ENPP5: variants seen among roughly 807,000 people sequenced by gnomAD.
ENPP5 encodes the protein ectonucleotide pyrophosphatase/phosphodiesterase family member 5.
Under a neutral mutation model 33.7 loss-of-function variants are expected in ENPP5, and 27 were observed. The ratio of observed to expected loss-of-function variants is 0.80; its 90% CI spans 0.59 to 1.11. The LOEUF (loss-of-function observed/expected upper bound fraction) is 1.11. Ranked by LOEUF, ENPP5 falls within the 50% of genes least tolerant of loss-of-function variation. ENPP5 has a pLI of 0.00. For missense variants in ENPP5, 552 were observed against 579.2 expected (o/e 0.95, Z 0.48); for synonymous variants, 199 against 200.5 (o/e 0.99, Z 0.06).
Position 46,167,609 on chromosome 6 carries a change from G to A in ENPP5, c.654C>T (p.Leu218=), listed in dbSNP as rs772452790. The change falls in exon 3 of 5, where the codon CTC becomes CTT. Residue 218 remains leucine (L), a synonymous_variant. Coordinates refer to ENST00000371383, the MANE Select transcript of ENPP5 (RefSeq NM_001290072.2). ...ACTTTGCCTTTTTCAGCATTTGTATGAGATATCCTAACTTCTTGTCAATAT... is the reference window on the plus strand; with the variant it reads ...ACTTTGCCTTTTTCAGCATTTGTATAAGATATCCTAACTTCTTGTCAATAT... ...ISDIDKKLGY[L]IQMLKKAKLW... The A allele has an allele frequency of 6.2e-7, 1 of 1,614,202 alleles. No individual in the cohort carries two copies. Among genetic ancestry groups the A allele is most frequent in the Admixed American group, 1.7e-5 (1 of 60,032 alleles).
rs1764324394 is a variant in ENPP5, at chr6:46,159,608, T to C, written c.*1718A>G. ...TTTGATTCTATTCTATTAAGAGGTTTTATAATGAAATGGGAATTATGTGCC... is the reference window on the plus strand; with the variant it reads ...TTTGATTCTATTCTATTAAGAGGTTCTATAATGAAATGGGAATTATGTGCC... On this transcript the variant is annotated 3_prime_UTR_variant, in exon 5 of 5. Transcript: ENST00000371383. 6.6e-6 allele frequency: 1 copy of C among 152,220 alleles called. No homozygotes were observed. Among genetic ancestry groups the C allele is most frequent in the Non-Finnish European group, 1.5e-5 (1 of 68,026 alleles). 9.4% of individuals were successfully genotyped at this position (152,220 alleles called of 1,614,324 possible).
Position 46,161,531 on chromosome 6 carries a change from G to C in ENPP5, c.1229C>G (p.Thr410Arg). 6.2e-7 allele frequency: 1 copy of C among 1,613,920 alleles called. No individual in the cohort carries two copies. Among genetic ancestry groups the C allele is most frequent in the Non-Finnish European group, 8.5e-7 (1 of 1,179,816 alleles). The change falls in exon 5 of 5, where the codon ACA (threonine) becomes AGA (arginine). Residue 410 changes from threonine (T) to arginine (R), a missense_variant. Thr to Arg is a moderately conservative substitution (Grantham distance 71). Transcript: ENST00000371383. ...NSAMPRVVPYTQSTILLPGSV... is the reference protein window; with the variant it reads ...NSAMPRVVPYRQSTILLPGSV... ...ACCAGGGAGGAGTATAGTACTCTGT[G>C]TATAAGGGACCACCCTTGGCATTGC...
intron 4 of ENPP5, among the ~76,000 whole-genome samples, chr6:46,164,471 G>A (rs1764477234): frequency 6.6e-6 from 1 of 152,062 alleles, no homozygotes; most frequent in African/African-American, 2.4e-5. Flanking sequence ...ATTAATTATT[G>A]AATCATTAAA....
rs1206090408 is a variant in ENPP5 at position 46,161,107 on chromosome 6, C to T, written c.*219G>A. 5.6e-6 allele frequency: 3 copies of T among 533,636 alleles called. No homozygotes were observed. Among genetic ancestry groups the T allele is most frequent in the Non-Finnish European group, 1.0e-5 (3 of 296,566 alleles). 33.1% of individuals were successfully genotyped at this position (533,636 alleles called of 1,614,324 possible). On this transcript the variant is annotated 3_prime_UTR_variant, in exon 5 of 5. Coordinates refer to ENST00000371383, the MANE Select transcript of ENPP5 (RefSeq NM_001290072.2). ...TTATCTATCCCTATGCTACAGTGAACAATGGAGACATACTCTCACATCTTT... is the reference window on the plus strand; with the variant it reads ...TTATCTATCCCTATGCTACAGTGAATAATGGAGACATACTCTCACATCTTT...
rs868597398 is a variant in ENPP5, at chr6:46,167,540, C to T, written c.723G>A (p.Met241Ile). The T allele has an allele frequency of 2.5e-6, 4 of 1,614,218 alleles. No homozygotes were observed. Among genetic ancestry groups the T allele is most frequent in the Non-Finnish European group, 3.4e-6 (4 of 1,180,016 alleles). ...TTAACCTTTCCTCAGAGCACTGCGT[C>T]ATTCCATGATCACTTGTGATGATTA... ...LNLIITSDHGMTQCSEERLIE... is the reference protein window; with the variant it reads ...LNLIITSDHGITQCSEERLIE... Residue 241 changes from methionine (M) to isoleucine (I), a missense_variant, in exon 3 of 5, where the codon ATG (methionine) becomes ATA (isoleucine). Transcript: ENST00000371383.
rs757794305 is a variant in ENPP5 at position 46,161,729 on chromosome 6, G to T, written c.1031C>A (p.Ala344Glu). ...FLLGNHGYDN[A>E]LADMHPIFLA... ...AAATATTGGATGCATATCTGCTAAC[G>T]CATTATCGTAACCGTGGTTGCCTAC... The change falls in exon 5 of 5, where the codon GCG becomes GAG. Residue 344 changes from alanine (A) to glutamate (E), a missense_variant. Ala to Glu is a moderately radical substitution (Grantham distance 107). Transcript: ENST00000371383. 16 of 1,610,854 alleles carry T rather than the reference G, an allele frequency of 9.9e-6. No individual in the cohort carries two copies. In the Admixed American group the frequency reaches 2.0e-4, roughly 20 times the overall value.
intron 4 of ENPP5, among the ~76,000 whole-genome samples, chr6:46,164,282 C>T (rs554941786): frequency 1.1e-3 from 164 of 152,218 alleles, no homozygotes; most frequent in African/African-American, 3.8e-3. Context: ...AAAAAGTGGG[C>T]GAAGGACATG....
intron 4 of ENPP5, 174 bp downstream of exon 4, chr6:46,165,213 G>A: frequency 3.9e-6 from 2 of 511,320 alleles, no homozygotes; most frequent in East Asian, 6.5e-5. Context: ...ACATATCAAG[G>A]ACCAATATCT....
At position 46,168,129 on chromosome 6, in the gene ENPP5, T is replaced by A. The variant is rs759847474; in HGVS notation, c.134A>T (p.Lys45Ile). The A allele has an allele frequency of 1.8e-5, 29 of 1,613,588 alleles. No individual in the cohort carries two copies. In the Admixed American group the frequency reaches 2.5e-4, roughly 14 times the overall value. Residue 45 changes from lysine to isoleucine, a missense_variant, in exon 3 of 5, where the codon AAA (lysine) becomes ATA (isoleucine). Physicochemically the swap from Lys to Ile is moderately radical, Grantham distance 102. Coordinates refer to ENST00000371383, the MANE Select transcript of ENPP5 (RefSeq NM_001290072.2). ...ATAATGAAAATGGGGCGTTGGAACT[T>A]TATATAAGTAATCCCAACGGAATCC... ...FDGFRWDYLY[K>I]VPTPHFHYIM...
intron 2 of ENPP5, among the ~76,000 whole-genome samples, 188 bp downstream of exon 2, chr6:46,169,865 T>C (rs1002426634): frequency 1.3e-5 from 2 of 152,244 alleles, no homozygotes; most frequent in Non-Finnish European, 2.9e-5. Flanking sequence ...TTTTAAACTG[T>C]GTTTTCACCA....
intron 2 of ENPP5, among the ~76,000 whole-genome samples, chr6:46,168,525 A>G (rs1764627843): frequency 6.6e-6 from 1 of 152,224 alleles, no homozygotes; most frequent in Non-Finnish European, 1.5e-5. Context: ...GAATTTATCT[A>G]AATATCCCTC....
In ENPP5 at chr6:46,161,264, T is replaced by G. The variant is rs145274280; in HGVS notation, c.*62A>C. On this transcript the variant is annotated 3_prime_UTR_variant, in exon 5 of 5. Coordinates refer to ENST00000371383, the MANE Select transcript of ENPP5 (RefSeq NM_001290072.2). ...AACTGGTTTCCCAGAATTTGAAACCTTTAAACACTGACATAATTATGGAAT... is the reference window on the plus strand; with the variant it reads ...AACTGGTTTCCCAGAATTTGAAACCGTTAAACACTGACATAATTATGGAAT... 6.9e-7 allele frequency: 1 copy of G among 1,452,412 alleles called. No individual in the cohort carries two copies. The highest frequency in any genetic ancestry group is 1.4e-5 in the African/African-American group (1 of 70,992). The allele number at this position is 1,452,412 out of a possible 1,614,324, so 90.0% of individuals were successfully genotyped here.
chr6:46,161,559 A>G lies in ENPP5; in HGVS notation c.1201T>C (p.Ser401Pro). The G allele has an allele frequency of 1.2e-6, 2 of 1,614,064 alleles. No individual in the cohort carries two copies. The highest frequency in any genetic ancestry group is 1.7e-6 in the Non-Finnish European group (2 of 1,179,932). Residue 401 changes from serine to proline, a missense_variant, in exon 5 of 5, where the codon TCA becomes CCA. Transcript: ENST00000371383. ...TAAGGGACCACCCTTGGCATTGCTG[A>G]ATTGAGCAGATCCTGGACATTCCAG... Reference protein sequence around the residue: ...SFWNVQDLLNSAMPRVVPYTQ... With the variant: ...SFWNVQDLLNPAMPRVVPYTQ...
rs762485026 is a variant in ENPP5 at position 46,168,155 on chromosome 6, A to G, written c.108T>C (p.Asp36=). The G allele has an allele frequency of 2.5e-6, 4 of 1,613,682 alleles. No homozygotes were observed. Among genetic ancestry groups the G allele is most frequent in the Admixed American group, 1.7e-5 (1 of 60,002 alleles). The stretch of plus-strand genomic sequence containing the variant: ...TATATAAGTAATCCCAACGGAATCC[A>G]TCAAAAGAAACTAGTAGAACCTTTT... The part of the protein sequence containing the change: ...DQQKVLLVSF[D]GFRWDYLYKV... Residue 36 remains aspartate (D), a synonymous_variant, in exon 3 of 5, where the codon GAT becomes GAC. Coordinates refer to ENST00000371383, the MANE Select transcript of ENPP5 (RefSeq NM_001290072.2).
intron 4 of ENPP5, chr6:46,165,099 G>A (rs184292717): frequency 1.1e-3 from 250 of 236,926 alleles, no homozygotes; most frequent in African/African-American, 5.3e-3. Context: ...TATGAGTCAC[G>A]AGCACACTAC....
At chr6:46,168,691 G>T (rs1215907992) in intron 2 of ENPP5, among the ~76,000 whole-genome samples, 1 of 151,926 alleles carries the variant, frequency 6.6e-6, no homozygotes, top group African/African-American at 2.4e-5. Context: ...TAACATTATG[G>T]CTAGAGCAAC....
intron 4 of ENPP5, 76 bp from the exon 5 acceptor site, chr6:46,161,829 T>C: frequency 1.0e-6 from 1 of 1,003,050 alleles, no homozygotes; most frequent in African/African-American, 1.6e-5. Flanking sequence ...GGTCAAATTC[T>C]GAACTTAAAT....
Position 46,160,814 on chromosome 6 carries a change from A to C in ENPP5, c.*512T>G. ...CACTTATCACCTTCTTCTTCTCTCA[A>C]TTTATGGAGATAGATTTCTACGTTC... On this transcript the variant is annotated 3_prime_UTR_variant, in exon 5 of 5. Coordinates refer to ENST00000371383, the MANE Select transcript of ENPP5 (RefSeq NM_001290072.2). 1 of 155,122 alleles carries C rather than the reference A, an allele frequency of 6.4e-6. No homozygotes were observed. Among genetic ancestry groups the C allele is most frequent in the South Asian group, 2.0e-4 (1 of 4,998 alleles). The allele number at this position is 155,122 out of a possible 1,614,324, so 9.6% of individuals were successfully genotyped here. A position where few individuals can be genotyped will look rare whatever the true frequency, so the allele number is the denominator to read the frequency against.
At position 46,168,158 on chromosome 6, in the gene ENPP5, A is replaced by G; in HGVS notation, c.105T>C (p.Phe35=). The G allele has an allele frequency of 6.2e-7, 1 of 1,613,776 alleles. No individual in the cohort carries two copies. The highest frequency in any genetic ancestry group is 8.5e-7 in the Non-Finnish European group (1 of 1,179,670). The part of the protein sequence containing the change: ...PDQQKVLLVS[F]DGFRWDYLYK... Reference sequence around the variant, plus strand: ...ATAAGTAATCCCAACGGAATCCATCAAAAGAAACTAGTAGAACCTTTTGCT... The same window carrying G: ...ATAAGTAATCCCAACGGAATCCATCGAAAGAAACTAGTAGAACCTTTTGCT... Residue 35 remains phenylalanine, a synonymous_variant, in exon 3 of 5, where the codon TTT becomes TTC. Coordinates refer to ENST00000371383, the MANE Select transcript of ENPP5 (RefSeq NM_001290072.2).
Sources: allele counts gnomAD v4.1 joint callset (sites outside exome capture counted in the v4.1 genomes callset), GRCh38; gene constraint gnomAD v4.1.1; transcripts MANE v1.5; gene names NCBI Gene and HGNC (gene_info 2026-07-23, HGNC 2026-07-21).